Variants in KIRREL3 observed in about 807,000 individuals in gnomAD.
The protein encoded by KIRREL3 is kirre like nephrin family adhesion molecule 3.
KIRREL3 carries 36 observed loss-of-function variants against 89.7 expected under a neutral mutation model. The ratio of observed to expected loss-of-function variants is 0.40; its 90% CI spans 0.31 to 0.53. KIRREL3 has a LOEUF of 0.53. KIRREL3 is among the 20% of genes least tolerant of loss of function. The pLI, the probability that KIRREL3 is intolerant of heterozygous loss-of-function variation, is 0.49. For synonymous variants in KIRREL3, 445 were observed against 441.4 expected, an observed-to-expected ratio of 1.01 and a Z score of -0.10; for missense variants, 864 against 1,056.6, an observed-to-expected ratio of 0.82 and a Z score of 2.53.
Position 126,519,587 on chromosome 11 carries a change from T to C in KIRREL3, c.433+1728A>G, listed in dbSNP as rs1272783068. Among the ~76,000 whole-genome samples the C allele has an allele frequency of 6.6e-6, 1 of 152,144 alleles. No homozygotes were observed. The highest frequency in any genetic ancestry group is 1.5e-5 in the Non-Finnish European group (1 of 68,022). ...CCACCTATTTTTGGTTCCTGTGAAG[T>C]CAGAGGAGTGGACAATGCTCAGGTT... On this transcript the variant is annotated intron_variant, in intron 4 of 16. Transcript: ENST00000525144. This position sits in a 1 kb window ranked among gnomAD's most constrained non-coding sequence, Gnocchi z 4.3.
At chr11:126,841,764 C>T (rs1275598971) in intron 1 of KIRREL3, among the ~76,000 whole-genome samples, 1 of 152,254 alleles carries the variant, frequency 6.6e-6, no homozygotes, top group Non-Finnish European at 1.5e-5. Context: ...AGTGTCTAGG[C>T]ATCCGCTTTC....
rs1412066125 is a variant in KIRREL3 at position 126,525,315 on chromosome 11, A to G, written c.283+1223T>C. Among the ~76,000 whole-genome samples, 2 of 152,224 alleles carry G rather than the reference A, an allele frequency of 1.3e-5. No individual in the cohort carries two copies. The highest frequency in any genetic ancestry group is 6.5e-5 in the Admixed American group (1 of 15,280). On this transcript the variant is annotated intron_variant, in intron 3 of 16. Coordinates refer to ENST00000525144, the MANE Select transcript of KIRREL3 (RefSeq NM_032531.4). The surrounding 1 kb of genome is among the most constrained non-coding windows in gnomAD (Gnocchi z 5.4). ...AACTATTCTAGTTTGGGAAGGTTGT[A>G]TCATTCCTGGAGTTTCTCTAGGGTA...
Position 126,773,753 on chromosome 11 carries a change from C to T in KIRREL3, c.56-210841G>A, listed in dbSNP as rs569562881. On this transcript the variant is annotated intron_variant, in intron 1 of 16. Transcript: ENST00000525144. The surrounding 1 kb of genome is among the most constrained non-coding windows in gnomAD (Gnocchi z 4.2). ...TGGGGCCCACATATATTATTTATCT[C>T]TATTATTGCAGCCCCAAATACTGAA... Among the ~76,000 whole-genome samples, 1 of 152,254 alleles carries T rather than the reference C, an allele frequency of 6.6e-6. No individual in the cohort carries two copies. The highest frequency in any genetic ancestry group is 6.5e-5 in the Admixed American group (1 of 15,296).
chr11:126,810,687 G>T (rs1951354676), intron 1 of KIRREL3, among the ~76,000 whole-genome samples: 1 of 152,140 alleles, frequency 6.6e-6, no homozygotes, highest in Non-Finnish European at 1.5e-5. Context: ...CATTGAAGAG[G>T]GAAATTGCTT....
In KIRREL3 at chr11:126,475,306, C is replaced by G. The variant is rs1046696133; in HGVS notation, c.434-1840G>C. The stretch of plus-strand genomic sequence containing the variant: ...CAGCCTGCATGGGAACTTCCCTCCC[C>G]TTCTCAGGGGATCGCCCCGTCAGCC... On this transcript the variant is annotated intron_variant, in intron 4 of 16. Coordinates refer to ENST00000525144, the MANE Select transcript of KIRREL3 (RefSeq NM_032531.4). The surrounding 1 kb of genome is among the most constrained non-coding windows in gnomAD (Gnocchi z 7.5). Among the ~76,000 whole-genome samples, 1 of 152,190 alleles carries G rather than the reference C, an allele frequency of 6.6e-6. No individual in the cohort carries two copies. The highest frequency in any genetic ancestry group is 1.9e-4 in the East Asian group (1 of 5,178).
intron 1 of KIRREL3, among the ~76,000 whole-genome samples, chr11:126,847,890 G>T (rs1944202303): frequency 6.6e-6 from 1 of 152,138 alleles, no homozygotes; most frequent in South Asian, 2.1e-4. Flanking sequence ...AGTGTAATAA[G>T]AATCTATTTT....
At chr11:126,806,554 C>G (rs773066526) in intron 1 of KIRREL3, among the ~76,000 whole-genome samples, 5 of 152,228 alleles carry the variant, frequency 3.3e-5, no homozygotes, top group Non-Finnish European at 5.9e-5. Context: ...GTGATACTCC[C>G]TGAGTTGAAC....
In KIRREL3 at chr11:126,769,961, G is replaced by T. The variant is rs1949967279; in HGVS notation, c.56-207049C>A. Among the ~76,000 whole-genome samples, 1 of 152,164 alleles carries T rather than the reference G, an allele frequency of 6.6e-6. No homozygotes were observed. Among genetic ancestry groups the T allele is most frequent in the Non-Finnish European group, 1.5e-5 (1 of 68,032 alleles). Reference sequence around the variant, plus strand: ...TAGAGCTCTGTGGATATTAGCTGTTGATTATAGTTGTTTTTCCCAGATCCC... The same window carrying T: ...TAGAGCTCTGTGGATATTAGCTGTTTATTATAGTTGTTTTTCCCAGATCCC... On this transcript the variant is annotated intron_variant, in intron 1 of 16. Transcript: ENST00000525144. This position sits in a 1 kb window ranked among gnomAD's most constrained non-coding sequence, Gnocchi z 4.3.
intron 1 of KIRREL3, among the ~76,000 whole-genome samples, chr11:126,591,062 C>A (rs1241102057): frequency 2.6e-5 from 4 of 152,146 alleles, no homozygotes; most frequent in Non-Finnish European, 5.9e-5. Flanking sequence ...TACGTCTCTA[C>A]TAAAAATACA....
chr11:126,887,242 T>C (rs577637356), intron 1 of KIRREL3, among the ~76,000 whole-genome samples: 48 of 152,272 alleles, frequency 3.2e-4, no homozygotes, highest in Non-Finnish European at 2.1e-4. Flanking sequence ...CTCCTGATAA[T>C]TGCCCAGGTT....
Position 126,984,195 on chromosome 11 carries a change from C to T in KIRREL3, c.55+16260G>A, listed in dbSNP as rs1158714499. Among the ~76,000 whole-genome samples the T allele has an allele frequency of 5.5e-4, 84 of 152,140 alleles. 1 individual carries two copies. Among genetic ancestry groups the T allele is most frequent in the Admixed American group, 5.4e-3 (83 of 15,268 alleles). ...CAAGTACCTCACCTCTGAATAGTGC[C>T]CTTCATAGAGTTTCAAAGCCCTCAC... On this transcript the variant is annotated intron_variant, in intron 1 of 16. Transcript: ENST00000525144.
At position 126,527,433 on chromosome 11, in the gene KIRREL3, T is replaced by A. The variant is rs1056892225; in HGVS notation, c.134-746A>T. Among the ~76,000 whole-genome samples the A allele has an allele frequency of 1.3e-5, 2 of 152,152 alleles. No homozygotes were observed. Among genetic ancestry groups the A allele is most frequent in the Admixed American group, 6.5e-5 (1 of 15,280 alleles). On this transcript the variant is annotated intron_variant, in intron 2 of 16. Coordinates refer to ENST00000525144, the MANE Select transcript of KIRREL3 (RefSeq NM_032531.4). The surrounding 1 kb of genome is among the most constrained non-coding windows in gnomAD (Gnocchi z 4.2). ...GACATTATTTTATTAAACAAACCCA[T>A]CCACAATGCTTACAAGATGCCATGC... is the stretch of plus-strand genomic sequence containing the variant.
rs1956600016 is a variant in KIRREL3 at position 126,463,067 on chromosome 11, C to T, written c.742+90G>A. On this transcript the variant is annotated intron_variant, in intron 6 of 16. Transcript: ENST00000525144. This position sits in a 1 kb window ranked among gnomAD's most constrained non-coding sequence, Gnocchi z 5.9. ...ACAGAGCTGCCTGACCCATTTCCTG[C>T]TATCAGATGGGCCAGGCTATGGTCA... 3.1e-6 allele frequency: 4 copies of T among 1,293,008 alleles called. No homozygotes were observed. In the South Asian group the frequency reaches 5.5e-5, roughly 18 times the overall value. 80.1% of individuals were successfully genotyped at this position (1,293,008 alleles called of 1,614,324 possible).
chr11:126,451,007 G>A (rs1314218014), intron 7 of KIRREL3, among the ~76,000 whole-genome samples: 1 of 150,914 alleles, frequency 6.6e-6, no homozygotes, highest in Admixed American at 6.6e-5. Flanking sequence ...ATGTGTGCAC[G>A]TGAGTGCATG....
At position 126,530,838 on chromosome 11, in the gene KIRREL3, C is replaced by T. The variant is rs1783990; in HGVS notation, c.134-4151G>A. Among the ~76,000 whole-genome samples, 19 of 150,790 alleles carry T rather than the reference C, an allele frequency of 1.3e-4. No homozygotes were observed. Among genetic ancestry groups the T allele is most frequent in the East Asian group, 7.8e-4 (4 of 5,148 alleles). ...CTTCCCATACTTTATTTTTATTTTT[C>T]TTTTTTTTTTGAGACGGAGTCTGAC... On this transcript the variant is annotated intron_variant, in intron 2 of 16. Transcript: ENST00000525144. This position sits in a 1 kb window ranked among gnomAD's most constrained non-coding sequence, Gnocchi z 5.8.
chr11:126,499,656 TG>T (rs1322513054), intron 4 of KIRREL3, among the ~76,000 whole-genome samples: 1 of 152,200 alleles, frequency 6.6e-6, no homozygotes, highest in Non-Finnish European at 1.5e-5. Flanking sequence ...GGGGGCAGGG[TG>T]GGCGTCTATC....
chr11:126,653,327 G>T lies in KIRREL3; in HGVS notation c.56-90415C>A, dbSNP rs1198989275. The stretch of plus-strand genomic sequence containing the variant: ...TGGGCAGACTTGGGGTGGCAGAAGA[G>T]GCACCAGCTGGACCCGCCCAGGAAG... On this transcript the variant is annotated intron_variant, in intron 1 of 16. Coordinates refer to ENST00000525144, the MANE Select transcript of KIRREL3 (RefSeq NM_032531.4). The surrounding 1 kb of genome is among the most constrained non-coding windows in gnomAD (Gnocchi z 5.4). 6.6e-6 allele frequency among the ~76,000 whole-genome samples: 1 copy of T among 152,184 alleles called. No individual in the cohort carries two copies. The highest frequency in any genetic ancestry group is 1.5e-5 in the Non-Finnish European group (1 of 68,034).
intron 1 of KIRREL3, among the ~76,000 whole-genome samples, chr11:126,586,421 G>A (rs900084957): frequency 5.9e-5 from 9 of 152,056 alleles, no homozygotes; most frequent in African/African-American, 1.9e-4. Context: ...CGCGAGCTGG[G>A]GGAAGGGTCT....
At chr11:126,621,858 G>A (rs1174194465) in intron 1 of KIRREL3, among the ~76,000 whole-genome samples, 1 of 152,034 alleles carries the variant, frequency 6.6e-6, no homozygotes, top group Admixed American at 6.6e-5. Context: ...TAGCCTTAAT[G>A]TGCTATATAA....
Sources: gnomAD v4.1 joint callset for allele counts (sites outside exome capture counted in the v4.1 genomes callset) on GRCh38, gnomAD v4.1.1 for gene constraint, Gnocchi (gnomAD v3.1) non-coding constraint, MANE v1.5 for transcripts, NCBI Gene and HGNC (gene_info 2026-07-23, HGNC 2026-07-21) for gene names.